The following CCDC91 variants were observed in gnomAD, a reference collection of about 807,000 sequenced individuals.
The protein encoded by CCDC91 is coiled-coil domain containing 91, also known as coiled-coil domain-containing protein 91.
In CCDC91, 48 loss-of-function variants were observed where a neutral mutation model predicts 63.2. The observed-to-expected ratio is 0.76, with a 90% confidence interval of 0.60 to 0.97. The LOEUF is 0.97. Ranked by LOEUF, CCDC91 falls within the 50% of genes least tolerant of loss-of-function variation. The probability of loss-of-function intolerance (pLI) is 0.00; values close to 1 mark genes in which losing one functional copy is unlikely to be tolerated. For synonymous variants in CCDC91, 167 were observed against 165.8 expected (o/e 1.01, Z -0.06); for missense variants, 500 against 494.6 (o/e 1.01, Z -0.10).
chr12:28,234,282 A>T (rs1002159603), intron 1 of CCDC91, among the ~76,000 whole-genome samples: 1 of 151,994 alleles, frequency 6.6e-6, no homozygotes, highest in African/African-American at 2.4e-5. Context: ...TTTATTGTAA[A>T]TTTTTCTTAA....
chr12:28,304,375 TAAAAAAAAAAAAAAAAAAA>T (rs777296414), intron 3 of CCDC91, among the ~76,000 whole-genome samples: 5 of 73,596 alleles, frequency 6.8e-5, no homozygotes, highest in Non-Finnish European at 1.0e-4. Flanking sequence ...AGACTCCGTC[TAAAAAAAAAAAAAAAAAAA>T]AAAAAAAGAA....
intron 6 of CCDC91, among the ~76,000 whole-genome samples, chr12:28,324,081 G>C (rs1940767071): frequency 6.6e-6 from 1 of 151,826 alleles, no homozygotes; most frequent in Non-Finnish European, 1.5e-5. Flanking sequence ...TTTAGAGTCT[G>C]CTGCATTAGT....
chr12:28,506,997 T>C (rs1395956327), intron 12 of CCDC91, among the ~76,000 whole-genome samples: 5 of 152,078 alleles, frequency 3.3e-5, no homozygotes, highest in African/African-American at 1.2e-4. Flanking sequence ...AAATGCAGAA[T>C]TCATATATGT....
At chr12:28,410,042 A>C (rs886274368) in intron 8 of CCDC91, among the ~76,000 whole-genome samples, 3 of 151,914 alleles carry the variant, frequency 2.0e-5, no homozygotes, top group African/African-American at 7.3e-5. Context: ...ATTTAGGTCA[A>C]ATTTTTTGGT....
At chr12:28,195,825 C>A (rs1941718192) in intron 1 of CCDC91, among the ~76,000 whole-genome samples, 1 of 152,176 alleles carries the variant, frequency 6.6e-6, no homozygotes, top group Admixed American at 6.5e-5. Flanking sequence ...CCTTTCCTGT[C>A]CCACTGCTAT....
chr12:28,528,297 C>T (rs1941447470), intron 12 of CCDC91, among the ~76,000 whole-genome samples: 1 of 152,166 alleles, frequency 6.6e-6, no homozygotes, highest in South Asian at 2.1e-4. Context: ...GCCCACAGGG[C>T]TTTGCATGTT....
rs137882428 is a variant in CCDC91 at position 28,365,105 on chromosome 12, G to A, written c.654+2590G>A. On this transcript the variant is annotated intron_variant, in intron 7 of 12. Coordinates refer to ENST00000536442, the MANE Select transcript of CCDC91 (RefSeq NM_018318.5). Reference sequence around the variant, plus strand: ...GAAATAAAAAATTAAATATAACTTCGTAGGCAATTTGATTGAATTCCTAAT... The same window carrying A: ...GAAATAAAAAATTAAATATAACTTCATAGGCAATTTGATTGAATTCCTAAT... Among the ~76,000 whole-genome samples the A allele has an allele frequency of 2.6e-3, 402 of 152,186 alleles. 9 individuals carry two copies. Among genetic ancestry groups the A allele is most frequent in the Admixed American group, 0.025 (388 of 15,280 alleles).
intron 6 of CCDC91, among the ~76,000 whole-genome samples, chr12:28,329,846 A>G (rs1171651143): frequency 1.3e-5 from 2 of 152,076 alleles, no homozygotes; most frequent in African/African-American, 4.8e-5. Flanking sequence ...GTTCCCACCT[A>G]TGAGTGAGAA....
chr12:28,351,904 G>A (rs997766072), intron 6 of CCDC91, among the ~76,000 whole-genome samples: 1 of 151,982 alleles, frequency 6.6e-6, no homozygotes, highest in African/African-American at 2.4e-5. Context: ...TGAGTTAAGG[G>A]GATTCATGCT....
intron 11 of CCDC91, among the ~76,000 whole-genome samples, chr12:28,462,045 G>A (rs558303982): frequency 6.6e-6 from 1 of 151,980 alleles, no homozygotes; most frequent in South Asian, 2.1e-4. Flanking sequence ...TCATAAGGAT[G>A]CTGCAAGTTT....
chr12:28,369,243 C>T (rs1035819354), intron 7 of CCDC91, among the ~76,000 whole-genome samples: 1 of 152,186 alleles, frequency 6.6e-6, no homozygotes, highest in Non-Finnish European at 1.5e-5. Context: ...AGTGGTAGTA[C>T]AGGCATTGGT....
chr12:28,232,917 G>T (rs1457894792), intron 1 of CCDC91, among the ~76,000 whole-genome samples: 1 of 150,232 alleles, frequency 6.7e-6, no homozygotes, highest in Non-Finnish European at 1.5e-5. Flanking sequence ...GGAGGCAGAG[G>T]TTGCAGTGAG....
At chr12:28,302,443 T>C (rs1165186956) in intron 3 of CCDC91, among the ~76,000 whole-genome samples, 11 of 152,098 alleles carry the variant, frequency 7.2e-5, no homozygotes, top group Admixed American at 5.9e-4. Flanking sequence ...TTGAGCTACC[T>C]ATTATTTCCC....
At chr12:28,332,545 T>G (rs1398478334) in intron 6 of CCDC91, among the ~76,000 whole-genome samples, 3 of 152,222 alleles carry the variant, frequency 2.0e-5, no homozygotes, top group Middle Eastern at 3.4e-3. Flanking sequence ...TGAGAAAAAA[T>G]ATTTGATCAA....
At chr12:28,361,137 T>C (rs1435655831) in intron 6 of CCDC91, among the ~76,000 whole-genome samples, 1 of 151,630 alleles carries the variant, frequency 6.6e-6, no homozygotes, top group Non-Finnish European at 1.5e-5. Flanking sequence ...TGTGGGTTTT[T>C]CCACTTCATT....
At position 28,548,021 on chromosome 12, in the gene CCDC91, T is replaced by C. The variant is rs142201272; in HGVS notation, c.1216-1042T>C. ...TATAGGGAATGTGTTTGCCTAGTTTTGTTATTTTTACCCTATGGGCAAATT... is the reference window on the plus strand; with the variant it reads ...TATAGGGAATGTGTTTGCCTAGTTTCGTTATTTTTACCCTATGGGCAAATT... On this transcript the variant is annotated intron_variant, in intron 12 of 12. Transcript: ENST00000536442. 1.4e-3 allele frequency among the ~76,000 whole-genome samples: 219 copies of C among 152,238 alleles called. 1 individual carries two copies. The highest frequency in any genetic ancestry group is 5.1e-3 in the African/African-American group (213 of 41,552).
chr12:28,296,211 A>G (rs181294787), intron 3 of CCDC91, among the ~76,000 whole-genome samples: 131 of 151,754 alleles, frequency 8.6e-4, no homozygotes, highest in African/African-American at 3.0e-3. Context: ...TTTATATTAT[A>G]TAATTTTATG....
chr12:28,226,235 C>T (rs1384138761), intron 1 of CCDC91: 1 of 152,154 alleles, frequency 6.6e-6, no homozygotes, highest in African/African-American at 2.4e-5. Flanking sequence ...GTGACTGGAA[C>T]AGGGAAGACT....
At chr12:28,354,121 T>C (rs1943366455) in intron 6 of CCDC91, among the ~76,000 whole-genome samples, 1 of 152,160 alleles carries the variant, frequency 6.6e-6, no homozygotes, top group Non-Finnish European at 1.5e-5. Context: ...TACATGCACT[T>C]AGTGGCTTAA....
Sources: allele counts gnomAD v4.1 joint callset (sites outside exome capture counted in the v4.1 genomes callset), GRCh38; gene constraint gnomAD v4.1.1; transcripts MANE v1.5; gene names NCBI Gene and HGNC (gene_info 2026-07-23, HGNC 2026-07-21).